CSMD1: variants seen among roughly 807,000 people sequenced by gnomAD.
CSMD1 encodes CUB and sushi domain-containing protein 1.
A neutral mutation model predicts 417.5 loss-of-function variants in CSMD1; 213 were observed. The ratio of observed to expected loss-of-function variants is 0.51; its 90% CI spans 0.46 to 0.57. The LOEUF is 0.57. CSMD1 is among the 20% of genes least tolerant of loss of function. The pLI is 0.00. For missense variants in CSMD1, 6,923 were observed against 4,529.7 expected, an observed-to-expected ratio of 1.53 and a Z score of -15.17; for synonymous variants, 2,862 against 1,736.8, an observed-to-expected ratio of 1.65 and a Z score of -16.11.
chr8:4,788,336 C>T, intron 1 of CSMD1: 3 of 1,540,492 alleles, frequency 1.9e-6, no homozygotes, highest in South Asian at 1.2e-5. Flanking sequence ...TGTCTGGGAA[C>T]ACTGCATATC....
intron 1 of CSMD1, among the ~76,000 whole-genome samples, chr8:4,827,366 C>T (rs1169008630): frequency 2.0e-5 from 3 of 152,076 alleles, no homozygotes; most frequent in East Asian, 1.9e-4. Context: ...ACACAAAGCC[C>T]AGCGGCTGCT....
intron 10 of CSMD1, among the ~76,000 whole-genome samples, chr8:3,554,617 C>G (rs950145746): frequency 6.6e-6 from 1 of 152,228 alleles, no homozygotes; most frequent in Admixed American, 6.5e-5. Context: ...CAAAGAGGAT[C>G]TGAGCAGGTG....
intron 1 of CSMD1, among the ~76,000 whole-genome samples, chr8:4,897,936 C>T (rs1018658808): frequency 6.6e-6 from 1 of 152,066 alleles, no homozygotes. Flanking sequence ...AGATTCTAAA[C>T]ATAAGTCTAA....
intron 5 of CSMD1, among the ~76,000 whole-genome samples, chr8:3,842,945 C>T (rs1056818628): frequency 6.6e-6 from 1 of 152,070 alleles, no homozygotes; most frequent in Admixed American, 6.5e-5. Context: ...AGAATTGAAA[C>T]TACAAAAAGT....
intron 5 of CSMD1, among the ~76,000 whole-genome samples, chr8:3,996,780 C>T (rs138344132): frequency 6.6e-5 from 10 of 152,230 alleles, no homozygotes; most frequent in Non-Finnish European, 1.0e-4. Context: ...TTAAAACAAG[C>T]ACAATAAAAT....
chr8:4,956,759 G>T (rs1329798352), intron 1 of CSMD1, among the ~76,000 whole-genome samples: 3 of 152,116 alleles, frequency 2.0e-5, no homozygotes, highest in Non-Finnish European at 4.4e-5. Context: ...TCCAGGGAAT[G>T]GAGACTTCAC....
intron 2 of CSMD1, among the ~76,000 whole-genome samples, chr8:4,490,167 G>T (rs914543572): frequency 5.9e-5 from 9 of 151,514 alleles, no homozygotes; most frequent in African/African-American, 1.9e-4. Flanking sequence ...CAGCCTCTCA[G>T]GTAGCTGGGA....
At chr8:3,237,043 CA>C (rs1487867116) in intron 26 of CSMD1, among the ~76,000 whole-genome samples, 1 of 152,044 alleles carries the variant, frequency 6.6e-6, no homozygotes, top group Non-Finnish European at 1.5e-5. Context: ...CGCTGCCCTT[CA>C]CAAAACAGCA....
At chr8:4,012,427 A>C (rs1320648839) in intron 4 of CSMD1, among the ~76,000 whole-genome samples, 1 of 152,036 alleles carries the variant, frequency 6.6e-6, no homozygotes, top group East Asian at 1.9e-4. Context: ...TTTATGTTTT[A>C]TTCTTAACTT....
At chr8:3,187,843 A>G (rs1381028780) in intron 36 of CSMD1, 26 bp downstream of exon 36, 1 of 1,563,880 alleles carries the variant, frequency 6.4e-7, no homozygotes, top group African/African-American at 1.4e-5. Context: ...TGAGTCACAC[A>G]GGTGAGGAAA....
At chr8:3,448,241 G>C (rs1164369238) in intron 12 of CSMD1, among the ~76,000 whole-genome samples, 2 of 143,614 alleles carry the variant, frequency 1.4e-5, no homozygotes, top group African/African-American at 5.2e-5. Context: ...AAAGGGAGAA[G>C]AGGATTGATC....
chr8:3,784,764 C>T (rs983009375), intron 5 of CSMD1, among the ~76,000 whole-genome samples: 1 of 152,152 alleles, frequency 6.6e-6, no homozygotes, highest in Non-Finnish European at 1.5e-5. Context: ...AAATAAGATA[C>T]AATTAGCAAT....
intron 7 of CSMD1, among the ~76,000 whole-genome samples, chr8:3,621,014 G>A (rs181466829): frequency 5.3e-5 from 8 of 152,158 alleles, no homozygotes; most frequent in Admixed American, 4.6e-4. Context: ...CAACATGACT[G>A]GTGCCCTTCT....
At chr8:3,416,664 G>C (rs1284593721) in intron 12 of CSMD1, among the ~76,000 whole-genome samples, 1 of 152,154 alleles carries the variant, frequency 6.6e-6, no homozygotes, top group African/African-American at 2.4e-5. Context: ...TTTAGATTCT[G>C]CTGTGGCCAC....
At chr8:4,919,213 T>G (rs557259395) in intron 1 of CSMD1, among the ~76,000 whole-genome samples, 83 of 152,328 alleles carry the variant, frequency 5.4e-4, no homozygotes, top group African/African-American at 1.9e-3. Flanking sequence ...TTAAAACACT[T>G]TGTAATTTAG....
At chr8:4,030,012 T>C (rs947645728) in intron 4 of CSMD1, among the ~76,000 whole-genome samples, 6 of 152,188 alleles carry the variant, frequency 3.9e-5, no homozygotes, top group Non-Finnish European at 8.8e-5. Flanking sequence ...GTCATGCTGA[T>C]GCAAGAGGTG....
chr8:4,666,060 C>T (rs567352672), intron 1 of CSMD1, among the ~76,000 whole-genome samples: 11 of 152,066 alleles, frequency 7.2e-5, no homozygotes, highest in Non-Finnish European at 7.4e-5. Flanking sequence ...TAGTAACTGG[C>T]ACATAGGACA....
chr8:3,892,972 A>AT (rs2129128329), intron 5 of CSMD1, among the ~76,000 whole-genome samples: 1 of 151,698 alleles, frequency 6.6e-6, no homozygotes, highest in South Asian at 2.1e-4. Flanking sequence ...CAGTGATAAA[A>AT]AAAAAATATG....
chr8:4,578,331 C>CTTTTTTTT (rs1799238185), intron 2 of CSMD1, among the ~76,000 whole-genome samples: 1 of 54,354 alleles, frequency 1.8e-5, no homozygotes, highest in African/African-American at 9.8e-5. Flanking sequence ...ACACCCGGCT[C>CTTTTTTTT]ATTTTTTTTT....
Sources: gnomAD v4.1 joint callset for allele counts (sites outside exome capture counted in the v4.1 genomes callset) on GRCh38, gnomAD v4.1.1 for gene constraint, MANE v1.5 for transcripts, NCBI Gene and HGNC (gene_info 2026-07-23, HGNC 2026-07-21) for gene names.